The following SLIT1 variants were observed in gnomAD, a reference collection of about 807,000 sequenced individuals.
SLIT1 encodes slit guidance ligand 1, also known as slit homolog 1 protein.
A neutral mutation model predicts 186.1 loss-of-function variants in SLIT1; 66 were observed. The ratio of observed to expected loss-of-function variants is 0.35; its 90% CI spans 0.29 to 0.44. The LOEUF is 0.44. Ranked by LOEUF, SLIT1 falls within the 20% of genes least tolerant of loss-of-function variation. The pLI is 1.00. For missense variants in SLIT1, 1,638 were observed against 2,037.4 expected (o/e 0.80, Z 3.77); for synonymous variants, 761 against 833.8 (o/e 0.91, Z 1.50).
chr10:97,089,739 C>T (rs994496600), intron 4 of SLIT1, among the ~76,000 whole-genome samples: 1 of 151,680 alleles, frequency 6.6e-6, no homozygotes, highest in Non-Finnish European at 1.5e-5. Context: ...GGCCTGTCAT[C>T]GTGGAGGGGT....
chr10:97,056,524 G>C, intron 12 of SLIT1, 60 bp from the exon 13 acceptor site: 2 of 1,573,996 alleles, frequency 1.3e-6, no homozygotes, highest in Non-Finnish European at 1.7e-6. Context: ...ACCCATCTCA[G>C]GTCCTGGGCA....
At position 97,056,591 on chromosome 10, in the gene SLIT1, G is replaced by A. The variant is rs1326544151; in HGVS notation, c.1158-127C>T. 5 of 1,002,656 alleles carry A rather than the reference G, an allele frequency of 5.0e-6. No individual in the cohort carries two copies. The East Asian group carries it at 1.2e-4, about 25-fold the overall frequency. The allele number at this position is 1,002,656 out of a possible 1,614,324, so 62.1% of individuals were successfully genotyped here. A position where few individuals can be genotyped will look rare whatever the true frequency, so the allele number is the denominator to read the frequency against. Reference sequence around the variant, plus strand: ...GGAGGAGCCCATCGGAGCAGGCCCAGGGAATCTGCCCTCTGGATGTCTGCC... The same window carrying A: ...GGAGGAGCCCATCGGAGCAGGCCCAAGGAATCTGCCCTCTGGATGTCTGCC... On this transcript the variant is annotated intron_variant, in intron 12 of 36. Transcript: ENST00000266058.
chr10:97,115,462 C>T (rs896498211), intron 4 of SLIT1, among the ~76,000 whole-genome samples: 1 of 152,106 alleles, frequency 6.6e-6, no homozygotes, highest in Non-Finnish European at 1.5e-5. Context: ...CTCACAGGTC[C>T]GGGGGCCAAT....
At chr10:97,057,759 T>A (rs1848854828) in intron 11 of SLIT1, 2 of 475,528 alleles carry the variant, frequency 4.2e-6, no homozygotes, top group Admixed American at 3.4e-5. Context: ...ATTTTTTTTT[T>A]ATACTTTAGC....
At chr10:97,037,910 T>C (rs1848655342) in intron 21 of SLIT1, 144 bp from the exon 22 acceptor site, 12 of 595,458 alleles carry the variant, frequency 2.0e-5, no homozygotes, top group Admixed American at 2.9e-5. Flanking sequence ...GAATCACTTA[T>C]GGGAGGAGAA....
intron 22 of SLIT1, among the ~76,000 whole-genome samples, chr10:97,035,332 T>C (rs1413184951): frequency 4.6e-5 from 7 of 152,006 alleles, no homozygotes; most frequent in African/African-American, 1.4e-4. Context: ...CCCCTCCCCA[T>C]GGCCCCAGCC....
intron 4 of SLIT1, among the ~76,000 whole-genome samples, chr10:97,124,075 G>A (rs1421979405): frequency 6.6e-6 from 1 of 152,160 alleles, no homozygotes. Flanking sequence ...ATTATGCAGC[G>A]GAAGCCTCGG....
chr10:97,040,637 T>C (rs1848682610), intron 20 of SLIT1, among the ~76,000 whole-genome samples: 1 of 152,120 alleles, frequency 6.6e-6, no homozygotes, highest in Non-Finnish European at 1.5e-5. Context: ...AGTGGATGAA[T>C]TTCCATTTTA....
At position 97,042,999 on chromosome 10, in the gene SLIT1, C is replaced by T. The variant is rs144930720; in HGVS notation, c.2066G>A (p.Arg689His). The T allele has an allele frequency of 1.2e-5, 19 of 1,614,228 alleles. No homozygotes were observed. In the African/African-American group the frequency reaches 1.6e-4, roughly 14 times the overall value. The change falls in exon 20 of 37, where the codon CGC becomes CAC. Residue 689 changes from arginine (R) to histidine (H), a missense_variant. Coordinates refer to ENST00000266058, the MANE Select transcript of SLIT1 (RefSeq NM_003061.3). ...LAWLGGWLRK[R>H]KIVTGNPRCQ... is the part of the protein sequence containing the mutation. ...TCGCGGGTTCCCCGTCACGATCTTG[C>T]GCTTCCGTAGCCAGCCTCCTAGCCA...
At position 97,185,364 on chromosome 10, in the gene SLIT1, C is replaced by G. The variant is rs1048084872; in HGVS notation, c.197+114G>C. 6 of 1,041,980 alleles carry G rather than the reference C, an allele frequency of 5.8e-6. No homozygotes were observed. The East Asian group carries it at 1.4e-4, about 24-fold the overall frequency. 64.5% of individuals were successfully genotyped at this position (1,041,980 alleles called of 1,614,324 possible). On this transcript the variant is annotated intron_variant, in intron 1 of 36. Transcript: ENST00000266058. ...CGGCAGGCACTGACCCGTCTGTGGG[C>G]TGCGGAGCCCGGACGGGCCCCAATG...
At chr10:97,034,677 G>C in intron 22 of SLIT1, 135 bp from the exon 23 acceptor site, 1 of 726,098 alleles carries the variant, frequency 1.4e-6, no homozygotes, top group Non-Finnish European at 2.5e-6. Context: ...GAGGAGCCCT[G>C]GTGCACAGCC....
rs1009813168 is a variant in SLIT1 at position 97,184,142 on chromosome 10, G to A, written c.197+1336C>T. On this transcript the variant is annotated intron_variant, in intron 1 of 36. Transcript: ENST00000266058. The surrounding 1 kb of genome is among the most constrained non-coding windows in gnomAD (Gnocchi z 4.4). ...CAGATGCAGCCAAGAAGAGTCTGGG[G>A]CAAATGTGTGCTCACTAATTGCTGG... Among the ~76,000 whole-genome samples the A allele has an allele frequency of 3.3e-5, 5 of 151,882 alleles. No homozygotes were observed. The highest frequency in any genetic ancestry group is 5.9e-5 in the Non-Finnish European group (4 of 68,006).
chr10:97,102,159 C>T (rs2006739), intron 4 of SLIT1: 82,726 of 151,950 alleles, frequency 0.54, 24,366 homozygotes, highest in East Asian at 0.77. Context: ...CGGTGGCTTA[C>T]GCCTGTAATC....
intron 4 of SLIT1, among the ~76,000 whole-genome samples, chr10:97,119,465 G>T (rs1303567080): frequency 6.6e-6 from 1 of 152,168 alleles, no homozygotes; most frequent in East Asian, 1.9e-4. Flanking sequence ...CTGACATGGG[G>T]CCTTGCTAAT....
chr10:97,106,262 G>C (rs1849412985), intron 4 of SLIT1, among the ~76,000 whole-genome samples: 1 of 152,188 alleles, frequency 6.6e-6, no homozygotes, highest in Admixed American at 6.5e-5. Context: ...TCATTTCTGG[G>C]GGACTTGGAG....
In SLIT1 at chr10:97,043,003, T is replaced by C. The variant is rs1848702990; in HGVS notation, c.2062A>G (p.Lys688Glu). The change falls in exon 20 of 37, where the codon AAG becomes GAG. Residue 688 changes from lysine to glutamate, a missense_variant. Around this residue, in one of 3 missense-constraint regions of SLIT1, gnomAD observed 1,245 missense variants for 1,535.3 expected, o/e 0.81. Coordinates refer to ENST00000266058, the MANE Select transcript of SLIT1 (RefSeq NM_003061.3). The surrounding 1 kb of genome is among the most constrained non-coding windows in gnomAD (Gnocchi z 7.0). ...QLAWLGGWLR[K>E]RKIVTGNPRC... ...GGGTTCCCCGTCACGATCTTGCGCTTCCGTAGCCAGCCTCCTAGCCAGGCC... is the reference window on the plus strand; with the variant it reads ...GGGTTCCCCGTCACGATCTTGCGCTCCCGTAGCCAGCCTCCTAGCCAGGCC... 1 of 1,614,250 alleles carries C rather than the reference T, an allele frequency of 6.2e-7. No homozygotes were observed. Among genetic ancestry groups the C allele is most frequent in the African/African-American group, 1.3e-5 (1 of 75,066 alleles).
intron 16 of SLIT1, 103 bp from the exon 17 acceptor site, chr10:97,047,168 A>T: frequency 1.3e-6 from 1 of 765,060 alleles, no homozygotes; most frequent in Non-Finnish European, 2.2e-6. Context: ...GACTCCCAGA[A>T]GAATTTATCT....
In SLIT1 at chr10:97,060,764, G is replaced by T. The variant is rs1848886805; in HGVS notation, c.817C>A (p.Pro273Thr). 1 of 1,609,880 alleles carries T rather than the reference G, an allele frequency of 6.2e-7. No homozygotes were observed. The highest frequency in any genetic ancestry group is 8.5e-7 in the Non-Finnish European group (1 of 1,178,236). The change falls in exon 9 of 37, where the codon CCC (proline) becomes ACC (threonine). Residue 273 changes from proline (P) to threonine (T), a missense_variant. Pro to Thr is a conservative substitution (Grantham distance 38, BLOSUM62 -1). This residue lies in a region of SLIT1 where 1,245 missense variants were observed against 1,535.3 expected (regional missense o/e 0.81). Coordinates refer to ENST00000266058, the MANE Select transcript of SLIT1 (RefSeq NM_003061.3). ...CSGQGEAGRV[P>T]TCTLSSGSCP... ...GAGCCGGAGGACAGGGTGCAGGTGG[G>T]CACGCGCCCCGCTTCTCCCTGGCCT...
Position 97,025,821 on chromosome 10 carries a change from C to T in SLIT1, c.2583-4408G>A, listed in dbSNP as rs1385713433. Among the ~76,000 whole-genome samples the T allele has an allele frequency of 2.6e-5, 4 of 152,146 alleles. No individual in the cohort carries two copies. In the East Asian group the frequency reaches 7.7e-4, roughly 29 times the overall value. On this transcript the variant is annotated intron_variant, in intron 25 of 36. Transcript: ENST00000266058. ...ATTTGCGTAACCTGGACTGAAATAG[C>T]GCCCCCTGGCTGTCTTACAAGTCAC...
Sources: allele counts gnomAD v4.1 joint callset (sites outside exome capture counted in the v4.1 genomes callset), GRCh38; gene constraint gnomAD v4.1.1; regional missense constraint gnomAD v4.1.1; non-coding constraint Gnocchi (gnomAD v3.1); transcripts MANE v1.5; gene names NCBI Gene and HGNC (gene_info 2026-07-23, HGNC 2026-07-21).